LSS: variants seen among roughly 807,000 people sequenced by gnomAD.
The protein encoded by LSS is 2,3-epoxysqualene-lanosterol cyclase.
Under a neutral mutation model 110.3 loss-of-function variants are expected in LSS, and 90 were observed. The ratio of observed to expected loss-of-function variants is 0.82; its 90% CI spans 0.69 to 0.97. The LOEUF (loss-of-function observed/expected upper bound fraction) is 0.97. LSS is among the 50% of genes least tolerant of loss of function. LSS has a pLI of 0.00. For missense variants in LSS, 927 were observed against 990.0 expected, an observed-to-expected ratio of 0.94 and a Z score of 0.85; for synonymous variants, 433 against 400.0, an observed-to-expected ratio of 1.08 and a Z score of -0.98.
chr21:46,219,100 A>G (rs2080242362), intron 6 of LSS, among the ~76,000 whole-genome samples: 4 of 152,108 alleles, frequency 2.6e-5, no homozygotes, highest in African/African-American at 9.7e-5. Flanking sequence ...CTTCACATTC[A>G]CCAGCAAAGG....
At chr21:46,195,551 G>A in intron 19 of LSS, 125 bp downstream of exon 19, 1 of 914,844 alleles carries the variant, frequency 1.1e-6, no homozygotes, top group Non-Finnish European at 1.7e-6. Flanking sequence ...GACAGAGCGA[G>A]ACTCCGTCTC....
rs1464486542 is a variant in LSS at position 46,203,338 on chromosome 21, C to T, written c.1670+2498G>A. 3.3e-5 allele frequency among the ~76,000 whole-genome samples: 5 copies of T among 152,224 alleles called. No homozygotes were observed. In the South Asian group the frequency reaches 6.2e-4, roughly 19 times the overall value. ...ACACAACACCTGTGCCATTACTGCT[C>T]GTGCTGGAGGAGCGCGCTCAATGGT... On this transcript the variant is annotated intron_variant, in intron 17 of 21. Transcript: ENST00000397728.
chr21:46,204,895 A>G (rs2080025833), intron 17 of LSS, among the ~76,000 whole-genome samples: 1 of 152,238 alleles, frequency 6.6e-6, no homozygotes, highest in South Asian at 2.1e-4. Context: ...TTGTAACCAG[A>G]GTTGCTAAAA....
chr21:46,222,670 A>T lies in LSS; in HGVS notation c.388T>A (p.Tyr130Asn). The change falls in exon 4 of 22, where the codon TAC becomes AAC. Residue 130 changes from tyrosine to asparagine, a missense_variant. Physicochemically the swap from Tyr to Asn is moderately radical, Grantham distance 143. Coordinates refer to ENST00000397728, the MANE Select transcript of LSS (RefSeq NM_002340.6). ...PAGYREEIVR[Y>N]LRSVQLPDGG... ...TCAGGGAGCTGCACTGACCGCAGGTACCGCACAATCTCTTCTCTGTATCCG... is the reference window on the plus strand; with the variant it reads ...TCAGGGAGCTGCACTGACCGCAGGTTCCGCACAATCTCTTCTCTGTATCCG... 1 of 1,613,902 alleles carries T rather than the reference A, an allele frequency of 6.2e-7. No homozygotes were observed.
At chr21:46,208,834 C>G (rs1172429137) in intron 13 of LSS, among the ~76,000 whole-genome samples, 2 of 152,230 alleles carry the variant, frequency 1.3e-5, no homozygotes, top group Non-Finnish European at 2.9e-5. Context: ...TGCCCCTCCT[C>G]TGCTTGAGCC....
chr21:46,207,023 G>A (rs1382138688), intron 15 of LSS, among the ~76,000 whole-genome samples: 1 of 152,190 alleles, frequency 6.6e-6, no homozygotes, highest in African/African-American at 2.4e-5. Context: ...TAGAAACCAA[G>A]TCTGTGCTGC....
chr21:46,218,300 C>T (rs1165926273), intron 6 of LSS, among the ~76,000 whole-genome samples: 1 of 151,688 alleles, frequency 6.6e-6, no homozygotes, highest in Non-Finnish European at 1.5e-5. Flanking sequence ...GGGAGATGTC[C>T]ACTGCTTTCA....
chr21:46,196,136 A>G, intron 18 of LSS, 66 bp downstream of exon 18: 2 of 1,464,428 alleles, frequency 1.4e-6, no homozygotes, highest in Admixed American at 1.7e-5. Context: ...TTATGAACGC[A>G]GTGTGTGAGA....
intron 21 of LSS, 61 bp from the exon 22 acceptor site, chr21:46,191,296 G>C (rs1045346321): frequency 7.5e-6 from 12 of 1,590,134 alleles, no homozygotes; most frequent in Admixed American, 1.7e-5. Flanking sequence ...GCTAGTCCCT[G>C]AACTGGAGCC....
Position 46,209,100 on chromosome 21 carries a change from G to C in LSS, c.1266+454C>G, listed in dbSNP as rs1399900218. Among the ~76,000 whole-genome samples the C allele has an allele frequency of 6.6e-6, 1 of 152,152 alleles. No individual in the cohort carries two copies. The highest frequency in any genetic ancestry group is 1.5e-5 in the Non-Finnish European group (1 of 68,032). ...GACACTGAGGTCAAACTATGGGCTC[G>C]GGCAGGGTCTGTGGGCAGCTGATCT... On this transcript the variant is annotated intron_variant, in intron 13 of 21. Transcript: ENST00000397728. The surrounding 1 kb of genome is among the most constrained non-coding windows in gnomAD (Gnocchi z 4.4).
At chr21:46,197,024 G>A (rs937077243) in intron 17 of LSS, among the ~76,000 whole-genome samples, 6 of 152,248 alleles carry the variant, frequency 3.9e-5, no homozygotes, top group African/African-American at 1.2e-4. Context: ...CCTGACTGAA[G>A]CCCGGAGAGA....
intron 17 of LSS, among the ~76,000 whole-genome samples, chr21:46,196,995 C>A (rs1457255108): frequency 2.0e-5 from 3 of 152,380 alleles, no homozygotes; most frequent in African/African-American, 7.2e-5. Context: ...TCAGGCGAGA[C>A]CCCGGTCCTG....
chr21:46,218,599 G>T (rs774864394), intron 6 of LSS, among the ~76,000 whole-genome samples: 1 of 152,010 alleles, frequency 6.6e-6, no homozygotes. Context: ...ACTCCAGCCT[G>T]AGTGACAAAG....
At chr21:46,199,791 C>T (rs1396250773) in intron 17 of LSS, among the ~76,000 whole-genome samples, 3 of 152,136 alleles carry the variant, frequency 2.0e-5, no homozygotes, top group African/African-American at 7.2e-5. Flanking sequence ...GTGTTTGCTA[C>T]TAAGGGGTTC....
At chr21:46,192,554 G>A (rs936602824) in intron 20 of LSS, 9 of 411,690 alleles carry the variant, frequency 2.2e-5, no homozygotes, top group Non-Finnish European at 3.4e-5. Flanking sequence ...ATGTGTACAT[G>A]TGTGCATAGA....
intron 3 of LSS, among the ~76,000 whole-genome samples, chr21:46,223,831 A>G (rs1324150870): frequency 6.6e-6 from 1 of 152,200 alleles, no homozygotes; most frequent in African/African-American, 2.4e-5. Context: ...TGGTAACGCC[A>G]GCGTCTGGGA....
rs748666148 is a variant in LSS at position 46,195,543 on chromosome 21, CAG to C, written c.1817+131_1817+132del. The C allele has an allele frequency of 2.0e-5, 17 of 848,266 alleles. No individual in the cohort carries two copies. The Admixed American group carries it at 3.1e-4, about 15-fold the overall frequency. 52.5% of individuals were successfully genotyped at this position (848,266 alleles called of 1,614,324 possible). On this transcript the variant is annotated intron_variant, in intron 19 of 21. Coordinates refer to ENST00000397728, the MANE Select transcript of LSS (RefSeq NM_002340.6). ...TGCCACTGCATGTCAGCCCGGTTGACAGAGCGAGACTCCGTCTCAAAAACAAA... is the reference window on the plus strand; with the variant it reads ...TGCCACTGCATGTCAGCCCGGTTGACAGCGAGACTCCGTCTCAAAAACAAA...
At chr21:46,191,805 C>T in intron 21 of LSS, 76 bp downstream of exon 21, 7 of 1,244,458 alleles carry the variant, frequency 5.6e-6, no homozygotes, top group Non-Finnish European at 8.1e-6. Flanking sequence ...GGACACAGAG[C>T]AGGGGGACGT....
At chr21:46,222,417 C>T in intron 4 of LSS, 2 of 578,394 alleles carry the variant, frequency 3.5e-6, no homozygotes, top group Admixed American at 6.4e-5. Context: ...TCCTAACAGC[C>T]ACAAAATCCA....
Sources: allele counts gnomAD v4.1 joint callset (sites outside exome capture counted in the v4.1 genomes callset), GRCh38; gene constraint gnomAD v4.1.1; non-coding constraint Gnocchi (gnomAD v3.1); transcripts MANE v1.5; gene names NCBI Gene and HGNC (gene_info 2026-07-23, HGNC 2026-07-21).